The following UBXN7 variants were observed in gnomAD, a reference collection of about 807,000 sequenced individuals.
UBXN7 encodes UBX domain protein 7.
UBXN7 carries 9 observed loss-of-function variants against 58.0 expected under a neutral mutation model. That is an observed-to-expected ratio of 0.16 (90% CI 0.09 to 0.27). The LOEUF is 0.27. Ranked by LOEUF, UBXN7 falls within the 10% of genes least tolerant of loss-of-function variation. The pLI is 1.00. For synonymous variants in UBXN7, 208 were observed against 205.0 expected, an observed-to-expected ratio of 1.01 and a Z score of -0.12; for missense variants, 328 against 599.6, an observed-to-expected ratio of 0.55 and a Z score of 4.73.
At chr3:196,426,781 G>A (rs1351714448) in intron 1 of UBXN7, among the ~76,000 whole-genome samples, 1 of 151,802 alleles carries the variant, frequency 6.6e-6, no homozygotes, top group Non-Finnish European at 1.5e-5. Context: ...CCGGGAGGTG[G>A]AGGCTGCAGT....
At chr3:196,428,122 G>GAAAACAAAAACA (rs560641226) in intron 1 of UBXN7, among the ~76,000 whole-genome samples, 4 of 149,768 alleles carry the variant, frequency 2.7e-5, no homozygotes, top group Non-Finnish European at 5.9e-5. Flanking sequence ...AAATTCTGTC[G>GAAAACAAAAACA]AAAACAAAAA....
chr3:196,402,393 G>A (rs1027305173), intron 3 of UBXN7, among the ~76,000 whole-genome samples: 4 of 152,174 alleles, frequency 2.6e-5, no homozygotes, highest in Non-Finnish European at 4.4e-5. Flanking sequence ...CAAGCAGATT[G>A]TAATTCCATC....
chr3:196,407,776 A>G (rs773803991), intron 1 of UBXN7, among the ~76,000 whole-genome samples: 5 of 152,134 alleles, frequency 3.3e-5, no homozygotes, highest in Non-Finnish European at 7.4e-5. Context: ...GAAAGAATAC[A>G]TTTCAGTTAG....
intron 1 of UBXN7, among the ~76,000 whole-genome samples, chr3:196,430,182 C>T (rs1470207662): frequency 6.6e-6 from 1 of 151,902 alleles, no homozygotes; most frequent in Non-Finnish European, 1.5e-5. Flanking sequence ...TGATGAAACC[C>T]CGCCTCTACT....
intron 1 of UBXN7, among the ~76,000 whole-genome samples, chr3:196,430,940 T>C (rs1443832537): frequency 2.0e-5 from 3 of 152,152 alleles, no homozygotes; most frequent in Non-Finnish European, 2.9e-5. Flanking sequence ...AGAGAAGTTA[T>C]CATGCAACTC....
intron 5 of UBXN7, among the ~76,000 whole-genome samples, chr3:196,376,143 G>A (rs759447789): frequency 1.3e-5 from 2 of 152,160 alleles, no homozygotes; most frequent in Non-Finnish European, 2.9e-5. Flanking sequence ...CTTTTTTATG[G>A]AAATGGAAAT....
intron 3 of UBXN7, 190 bp from the exon 4 acceptor site, chr3:196,393,809 G>C (rs1729659027): frequency 6.9e-6 from 3 of 433,818 alleles, no homozygotes; most frequent in Non-Finnish European, 1.3e-5. Context: ...GCCGCAGCGA[G>C]CACAGTATTT....
At chr3:196,431,240 C>T (rs1263645251) in intron 1 of UBXN7, 2 of 152,194 alleles carry the variant, frequency 1.3e-5, no homozygotes, top group Non-Finnish European at 2.9e-5. Flanking sequence ...AACTAACATT[C>T]TGACCTCCTT....
At chr3:196,400,503 ATGGGC>A in intron 3 of UBXN7, 1 of 157,090 alleles carries the variant, frequency 6.4e-6, no homozygotes, top group Non-Finnish European at 1.4e-5. Flanking sequence ...TAACTCCAAT[ATGGGC>A]CAAGGCCAAG....
At position 196,384,270 on chromosome 3, in the gene UBXN7, C is replaced by T. The variant is rs140556105; in HGVS notation, c.468+7543G>A. On this transcript the variant is annotated intron_variant, in intron 5 of 10. Coordinates refer to ENST00000296328, the MANE Select transcript of UBXN7 (RefSeq NM_015562.2). ...ACCAGGAAGAAGTTGAATCTCTGAA[C>T]AGACCAATAACAGGCTCTGAAATTG... 3.6e-3 allele frequency among the ~76,000 whole-genome samples: 554 copies of T among 152,218 alleles called. 20 individuals are homozygous for T. In the South Asian group the frequency reaches 0.075, roughly 21 times the overall value.
At chr3:196,372,203 C>T (rs948489024) in intron 5 of UBXN7, among the ~76,000 whole-genome samples, 161 bp from the exon 6 acceptor site, 24 of 152,084 alleles carry the variant, frequency 1.6e-4, no homozygotes, top group African/African-American at 4.8e-5. Flanking sequence ...ATATTTACTT[C>T]GCATATGCAT....
At chr3:196,401,450 T>C (rs184779123) in intron 3 of UBXN7, among the ~76,000 whole-genome samples, 176 of 151,034 alleles carry the variant, frequency 1.2e-3, no homozygotes, top group South Asian at 7.7e-3. Context: ...ATCCTTTTGT[T>C]ACAACGTATA....
intron 1 of UBXN7, among the ~76,000 whole-genome samples, chr3:196,430,579 G>A (rs764700230): frequency 6.6e-6 from 1 of 151,880 alleles, no homozygotes; most frequent in Non-Finnish European, 1.5e-5. Flanking sequence ...TAGAGATGGG[G>A]CCTCACTATG....
In UBXN7 at chr3:196,348,746, T is replaced by C. The variant is rs11713005; in HGVS notation, c.*7939A>G. On this transcript the variant is annotated 3_prime_UTR_variant, in exon 11 of 11. Transcript: ENST00000296328. ...GAGGTTTGGAAAATGACATGAAACA[T>C]GAAACATGTTTAAAAACACAATCAA... 0.13 allele frequency: 19,138 copies of C among 152,066 alleles called. 1,433 individuals are homozygous for C. The highest frequency in any genetic ancestry group is 0.19 in the South Asian group (917 of 4,822). The allele number at this position is 152,066 out of a possible 1,614,324, so 9.4% of individuals were successfully genotyped here.
In UBXN7 at chr3:196,401,182, C is replaced by T. The variant is rs1221845285; in HGVS notation, c.289+1770G>A. Among the ~76,000 whole-genome samples, 67 of 136,882 alleles carry T rather than the reference C, an allele frequency of 4.9e-4. 1 individual carries two copies. Among genetic ancestry groups the T allele is most frequent in the African/African-American group, 1.6e-3 (58 of 36,988 alleles). The allele number at this position is 136,882 out of a possible 152,430, so 89.8% of individuals were successfully genotyped here. ...ATCCCAGCACTTTGGGAGGCCGAGG[C>T]GGGCGGCTCACCTGAGCTCGGGAGT... On this transcript the variant is annotated intron_variant, in intron 3 of 10. Transcript: ENST00000296328.
rs201780863 is a variant in UBXN7 at position 196,391,858 on chromosome 3, T to C, written c.423A>G (p.Leu141=). The part of the protein sequence containing the change: ...IDKKLTTLAD[L]FRPPIDLMHK... ...GCATCAAATCAATGGGTGGCCGGAA[T>C]AGATCTGCAAGGGTAGTTAATTTCT... The change falls in exon 5 of 11, where the codon CTA becomes CTG. Residue 141 remains leucine, a synonymous_variant. Coordinates refer to ENST00000296328, the MANE Select transcript of UBXN7 (RefSeq NM_015562.2). The C allele has an allele frequency of 5.6e-6, 9 of 1,613,132 alleles. No homozygotes were observed. The highest frequency in any genetic ancestry group is 3.3e-5 in the South Asian group (3 of 90,794).
intron 1 of UBXN7, among the ~76,000 whole-genome samples, chr3:196,419,572 G>C (rs967369217): frequency 6.6e-6 from 1 of 152,210 alleles, no homozygotes; most frequent in Non-Finnish European, 1.5e-5. Context: ...GTATCACTTA[G>C]TGAATCATTT....
Position 196,356,536 on chromosome 3 carries a change from T to G in UBXN7, c.*149A>C, listed in dbSNP as rs1449243374. The G allele has an allele frequency of 1.3e-6, 1 of 793,536 alleles. No individual in the cohort carries two copies. The highest frequency in any genetic ancestry group is 2.0e-6 in the Non-Finnish European group (1 of 511,994). The allele number at this position is 793,536 out of a possible 1,614,324, so 49.2% of individuals were successfully genotyped here. A position where few individuals can be genotyped will look rare whatever the true frequency, so the allele number is the denominator to read the frequency against. ...CAAAGGGGGAGAAAGAGACTGATTA[T>G]AGGAGAGATCAAGAAATAAGAGAAG... On this transcript the variant is annotated 3_prime_UTR_variant, in exon 11 of 11. Transcript: ENST00000296328.
At chr3:196,358,338 A>G (rs531768324) in intron 10 of UBXN7, among the ~76,000 whole-genome samples, 57 of 149,738 alleles carry the variant, frequency 3.8e-4, no homozygotes, top group Non-Finnish European at 7.8e-4. Context: ...AGAAGTAGTC[A>G]TTTCAGTTGG....
Sources: gnomAD v4.1 joint callset for allele counts (sites outside exome capture counted in the v4.1 genomes callset) on GRCh38, gnomAD v4.1.1 for gene constraint, MANE v1.5 for transcripts, NCBI Gene and HGNC (gene_info 2026-07-23, HGNC 2026-07-21) for gene names.